LIMD1: variants seen among roughly 807,000 people sequenced by gnomAD.
The protein encoded by LIMD1 is LIM domain-containing protein 1.
LIMD1 carries 23 observed loss-of-function variants against 58.4 expected under a neutral mutation model. The ratio of observed to expected loss-of-function variants is 0.39; its 90% CI spans 0.28 to 0.56. LIMD1 has a LOEUF of 0.56. Among genes scored for constraint, LIMD1 ranks in the 20% least tolerant of loss-of-function variants. LIMD1 has a pLI of 0.57. For synonymous variants in LIMD1, 334 were observed against 345.5 expected (o/e 0.97, Z 0.37); for missense variants, 838 against 855.5 (o/e 0.98, Z 0.25).
At chr3:45,613,643 G>C (rs35136649) in intron 1 of LIMD1, among the ~76,000 whole-genome samples, 1 of 145,976 alleles carries the variant, frequency 6.9e-6, no homozygotes, top group South Asian at 2.2e-4. Flanking sequence ...TTTTGTGTAA[G>C]ACTTTGGGTT....
At chr3:45,672,843 A>C in intron 5 of LIMD1, 23 bp downstream of exon 5, 1 of 1,612,714 alleles carries the variant, frequency 6.2e-7, no homozygotes, top group Non-Finnish European at 8.5e-7. Context: ...GGGAGCAGAC[A>C]GGACCCATTC....
chr3:45,644,125 C>T (rs374668087), intron 2 of LIMD1, among the ~76,000 whole-genome samples: 3 of 152,146 alleles, frequency 2.0e-5, no homozygotes, highest in African/African-American at 4.8e-5. Context: ...CACAAAATGC[C>T]ATTTTGTTAC....
chr3:45,631,221 T>A (rs1701729732), intron 1 of LIMD1, among the ~76,000 whole-genome samples: 1 of 149,588 alleles, frequency 6.7e-6, no homozygotes, highest in Non-Finnish European at 1.5e-5. Flanking sequence ...ATAATAATAA[T>A]AAAAATCCAA....
chr3:45,618,069 C>T lies in LIMD1; in HGVS notation c.1409-18081C>T, dbSNP rs965714965. Among the ~76,000 whole-genome samples, 6 of 152,126 alleles carry T rather than the reference C, an allele frequency of 3.9e-5. No homozygotes were observed. In the East Asian group the frequency reaches 7.7e-4, roughly 20 times the overall value. ...TCCGTGTGGTGGGGCACCTCACTGC[C>T]TGAGGTCACTGACCTCTGAGCCCTT... is the stretch of plus-strand genomic sequence containing the variant. On this transcript the variant is annotated intron_variant, in intron 1 of 7. Coordinates refer to ENST00000273317, the MANE Select transcript of LIMD1 (RefSeq NM_014240.3).
rs371377940 is a variant in LIMD1 at position 45,672,766 on chromosome 3, T to C, written c.1718T>C (p.Val573Ala). ...ATCTGTAATGAGTGTTTGGATGGGG[T>C]GCCCTTCACCGTGGACTCAGAGAAC... Reference protein sequence around the residue: ...CVICNECLDGVPFTVDSENKI... With the variant: ...CVICNECLDGAPFTVDSENKI... Residue 573 changes from valine (V) to alanine (A), a missense_variant, in exon 5 of 8, where the codon GTG becomes GCG. Val to Ala is a moderately conservative substitution (Grantham distance 64). This residue lies in a region of LIMD1 where 174 missense variants were observed against 197.4 expected (regional missense o/e 0.88). Coordinates refer to ENST00000273317, the MANE Select transcript of LIMD1 (RefSeq NM_014240.3). 2.2e-5 allele frequency: 35 copies of C among 1,613,806 alleles called. No individual in the cohort carries two copies. Among genetic ancestry groups the C allele is most frequent in the Middle Eastern group, 1.6e-4 (1 of 6,084 alleles).
intron 2 of LIMD1, among the ~76,000 whole-genome samples, chr3:45,647,816 T>C (rs1701921857): frequency 6.6e-6 from 1 of 152,068 alleles, no homozygotes; most frequent in African/African-American, 2.4e-5. Flanking sequence ...TTTCTAACTA[T>C]CCCCCTCCTC....
chr3:45,658,567 T>TTTTTTTA (rs1697379352), intron 2 of LIMD1, among the ~76,000 whole-genome samples: 3 of 118,450 alleles, frequency 2.5e-5, no homozygotes, highest in African/African-American at 4.1e-5. Context: ...TTTTTTTTTT[T>TTTTTTTA]GAGACTGAGT....
intron 1 of LIMD1, among the ~76,000 whole-genome samples, chr3:45,607,810 T>G (rs1476658881): frequency 6.6e-6 from 1 of 152,184 alleles, no homozygotes; most frequent in Non-Finnish European, 1.5e-5. Context: ...CCGAAACCCC[T>G]TCTGACAATA....
intron 2 of LIMD1, among the ~76,000 whole-genome samples, chr3:45,652,796 A>G (rs1460635888): frequency 1.3e-5 from 2 of 152,216 alleles, no homozygotes; most frequent in African/African-American, 4.8e-5. Context: ...TGCTCTGCTG[A>G]ACACTTAACG....
Position 45,599,681 on chromosome 3 carries a change from A to G in LIMD1, c.1408+3394A>G, listed in dbSNP as rs544568696. Among the ~76,000 whole-genome samples, 9 of 152,318 alleles carry G rather than the reference A, an allele frequency of 5.9e-5. No individual in the cohort carries two copies. The East Asian group carries it at 1.7e-3, about 29-fold the overall frequency. On this transcript the variant is annotated intron_variant, in intron 1 of 7. Coordinates refer to ENST00000273317, the MANE Select transcript of LIMD1 (RefSeq NM_014240.3). ...ACCTAAGGTCACCTAAGCAGCCCTC[A>G]CTGATGGGCCTTTGGAATGTACCCA...
At chr3:45,599,483 G>A (rs879641073) in intron 1 of LIMD1, among the ~76,000 whole-genome samples, 3 of 152,072 alleles carry the variant, frequency 2.0e-5, no homozygotes, top group Admixed American at 1.3e-4. Flanking sequence ...AGTGAAAATC[G>A]AGCCTCTTTC....
intron 1 of LIMD1, among the ~76,000 whole-genome samples, chr3:45,614,782 T>TTTGCCATTTTTTAAACCTTAAACACAGC: frequency 6.6e-6 from 1 of 150,530 alleles, no homozygotes; most frequent in Non-Finnish European, 1.5e-5. Context: ...TTTTTTTTTT[T>TTTGCCATTTTTTAAACCTTAAACACAGC]TGCCGTTTTT....
rs888112151 is a variant in LIMD1 at position 45,676,791 on chromosome 3, T to A, written c.1894-131T>A. On this transcript the variant is annotated intron_variant, in intron 7 of 7. Coordinates refer to ENST00000273317, the MANE Select transcript of LIMD1 (RefSeq NM_014240.3). ...GGCCTCCACGGGGCAGGAGCTGTGTTTCTGCACTGGCATTTCCTGCCTATA... is the reference window on the plus strand; with the variant it reads ...GGCCTCCACGGGGCAGGAGCTGTGTATCTGCACTGGCATTTCCTGCCTATA... 1.4e-5 allele frequency: 12 copies of A among 872,600 alleles called. No homozygotes were observed. In the South Asian group the frequency reaches 1.8e-4, roughly 13 times the overall value. The allele number at this position is 872,600 out of a possible 1,614,324, so 54.1% of individuals were successfully genotyped here. A position where few individuals can be genotyped will look rare whatever the true frequency, so the allele number is the denominator to read the frequency against.
intron 1 of LIMD1, among the ~76,000 whole-genome samples, chr3:45,601,402 TGGGATAGTCTCTTCA>T (rs1163455476): frequency 6.6e-6 from 1 of 152,196 alleles, no homozygotes; most frequent in Non-Finnish European, 1.5e-5. Context: ...TCTGTGCAGC[TGGGATAGTCTCTTCA>T]GGGGCTGACA....
chr3:45,653,365 G>A (rs78237340), intron 2 of LIMD1, among the ~76,000 whole-genome samples: 14,658 of 152,148 alleles, frequency 0.096, 1,444 homozygotes, highest in African/African-American at 0.26. Context: ...ACTGGGCTGC[G>A]TTCCCTACTG....
At chr3:45,607,681 C>T (rs570254198) in intron 1 of LIMD1, among the ~76,000 whole-genome samples, 2 of 93,004 alleles carry the variant, frequency 2.2e-5, no homozygotes, top group Non-Finnish European at 5.4e-5. Context: ...GGGTAAGGCA[C>T]CCCTCTTAGC....
In LIMD1 at chr3:45,595,578, C is replaced by T; in HGVS notation, c.699C>T (p.Ser233=). The part of the protein sequence containing the change: ...GDHPLNHRQL[S]LSSSRSSEGS... Reference sequence around the variant, plus strand: ...ATCCCCTAAATCACCGACAGCTCTCCCTGAGCTCCAGCAGGTCTTCTGAGG... The same window carrying T: ...ATCCCCTAAATCACCGACAGCTCTCTCTGAGCTCCAGCAGGTCTTCTGAGG... The change falls in exon 1 of 8, where the codon TCC becomes TCT. Residue 233 remains serine, a synonymous_variant. Coordinates refer to ENST00000273317, the MANE Select transcript of LIMD1 (RefSeq NM_014240.3). The T allele has an allele frequency of 1.9e-6, 3 of 1,614,120 alleles. No homozygotes were observed. The highest frequency in any genetic ancestry group is 1.7e-4 in the Middle Eastern group (1 of 6,060).
At chr3:45,632,847 G>C (rs1361340401) in intron 1 of LIMD1, among the ~76,000 whole-genome samples, 1 of 152,178 alleles carries the variant, frequency 6.6e-6, no homozygotes, top group Non-Finnish European at 1.5e-5. Context: ...ACTGTGCATG[G>C]GCCCCTAGCA....
rs188582481 is a variant in LIMD1, at chr3:45,609,428, C to G, written c.1408+13141C>G. ...GTGTGATCATAGTACACTACAGCCT[C>G]AAGCTCTTGGGCTCAAGCAGTCCTC... On this transcript the variant is annotated intron_variant, in intron 1 of 7. Coordinates refer to ENST00000273317, the MANE Select transcript of LIMD1 (RefSeq NM_014240.3). 3.1e-4 allele frequency among the ~76,000 whole-genome samples: 47 copies of G among 152,330 alleles called. 1 individual carries two copies. The highest frequency in any genetic ancestry group is 1.1e-3 in the Admixed American group (17 of 15,300).
Sources: gnomAD v4.1 joint callset for allele counts (sites outside exome capture counted in the v4.1 genomes callset) on GRCh38, gnomAD v4.1.1 for gene constraint, gnomAD v4.1.1 regional missense constraint, MANE v1.5 for transcripts, NCBI Gene and HGNC (gene_info 2026-07-23, HGNC 2026-07-21) for gene names.